SEMA3A: variants seen among roughly 807,000 people sequenced by gnomAD.
SEMA3A encodes the protein semaphorin-3A.
Under a neutral mutation model 97.9 loss-of-function variants are expected in SEMA3A, and 29 were observed. The ratio of observed to expected loss-of-function variants is 0.30; its 90% CI spans 0.22 to 0.40. The LOEUF (loss-of-function observed/expected upper bound fraction) is 0.40, where lower values mean the gene tolerates loss of function less well. Among genes scored for constraint, SEMA3A ranks in the 10% least tolerant of loss-of-function variants. The probability of loss-of-function intolerance (pLI) is 1.00; values close to 1 mark genes in which losing one functional copy is unlikely to be tolerated. For missense variants in SEMA3A, 763 were observed against 951.3 expected (o/e 0.80, Z 2.60); for synonymous variants, 321 against 323.7 (o/e 0.99, Z 0.09).
At chr7:84,485,264 G>A (rs1011324316) in intron 1 of SEMA3A, among the ~76,000 whole-genome samples, 3 of 152,046 alleles carry the variant, frequency 2.0e-5, no homozygotes, top group African/African-American at 7.2e-5. Context: ...AGTATTGGAT[G>A]TGATAAAATA....
At chr7:84,216,437 G>C (rs2116328381) in intron 3 of SEMA3A, among the ~76,000 whole-genome samples, 1 of 152,244 alleles carries the variant, frequency 6.6e-6, no homozygotes, top group Middle Eastern at 3.4e-3. Context: ...GCAGTTGGAA[G>C]AGTAGCTCAT....
intron 3 of SEMA3A, among the ~76,000 whole-genome samples, chr7:84,292,076 C>G (rs1427054860): frequency 3.9e-5 from 6 of 152,104 alleles, no homozygotes; most frequent in Non-Finnish European, 7.4e-5. Context: ...AATTACCAAC[C>G]AATTGTGACT....
chr7:84,226,473 T>A (rs1798991933), intron 3 of SEMA3A, among the ~76,000 whole-genome samples: 1 of 152,080 alleles, frequency 6.6e-6, no homozygotes, highest in African/African-American at 2.4e-5. Context: ...CAAACAAGAA[T>A]AAGTGTTCAT....
At position 84,129,162 on chromosome 7, in the gene SEMA3A, G is replaced by T. The variant is rs147454247; in HGVS notation, c.294C>A (p.Thr98=). Residue 98 remains threonine (T), a synonymous_variant, in exon 3 of 17, where the codon ACC becomes ACA. Coordinates refer to ENST00000265362, the MANE Select transcript of SEMA3A (RefSeq NM_006080.3). ...FQKIVWPVSY[T]RRDECKWAGK... is the part of the protein sequence containing the mutation. Reference sequence around the variant, plus strand: ...CAGCCCACTTGCATTCATCTCTTCTGGTGTAAGATACTGGCCACACAATCT... The same window carrying T: ...CAGCCCACTTGCATTCATCTCTTCTTGTGTAAGATACTGGCCACACAATCT... The T allele has an allele frequency of 3.1e-6, 5 of 1,612,898 alleles. No homozygotes were observed. In the African/African-American group the frequency reaches 6.7e-5, roughly 22 times the overall value.
chr7:84,429,836 G>A (rs1804934036), intron 1 of SEMA3A, among the ~76,000 whole-genome samples: 1 of 151,464 alleles, frequency 6.6e-6, no homozygotes, highest in Non-Finnish European at 1.5e-5. Flanking sequence ...AAAATGTTGG[G>A]AGGAAGAAAA....
chr7:84,332,848 A>T (rs1801940626), intron 2 of SEMA3A, among the ~76,000 whole-genome samples: 2 of 152,092 alleles, frequency 1.3e-5, no homozygotes, highest in Admixed American at 1.3e-4. Context: ...ATATGTTATT[A>T]TTTACATGTC....
At position 84,239,281 on chromosome 7, in the gene SEMA3A, T is replaced by C. The variant is rs112753901; in HGVS notation, c.-82-44613A>G. ...TAATTCTCATAAGGAAATTATTTTT[T>C]GATTTGTAAAACATTAGGTGTTTTA... On this transcript the variant is annotated intron_variant, in intron 3 of 3. Transcript: ENST00000424555. Among the ~76,000 whole-genome samples, 129 of 152,332 alleles carry C rather than the reference T, an allele frequency of 8.5e-4. 1 individual carries two copies. Among genetic ancestry groups the C allele is most frequent in the African/African-American group, 3.0e-3 (124 of 41,594 alleles).
At chr7:84,410,883 A>G (rs1212029992) in intron 1 of SEMA3A, among the ~76,000 whole-genome samples, 1 of 152,108 alleles carries the variant, frequency 6.6e-6, no homozygotes, top group African/African-American at 2.4e-5. Flanking sequence ...TGCACCTAAG[A>G]GACTAACTAG....
At chr7:84,112,012 T>C (rs1341591146) in intron 3 of SEMA3A, among the ~76,000 whole-genome samples, 3 of 152,286 alleles carry the variant, frequency 2.0e-5, no homozygotes, top group African/African-American at 7.2e-5. Context: ...GAATAGGGCA[T>C]GAAGGCTTGG....
chr7:84,110,377 C>T, intron 4 of SEMA3A, 93 bp downstream of exon 4: 2 of 1,447,972 alleles, frequency 1.4e-6, no homozygotes, highest in South Asian at 1.3e-5. Context: ...GAATAGTGAA[C>T]CACAAGCAAA....
intron 2 of SEMA3A, among the ~76,000 whole-genome samples, chr7:84,354,246 TTAAGA>T (rs1415968565): frequency 2.0e-5 from 3 of 151,752 alleles, no homozygotes; most frequent in East Asian, 1.9e-4. Context: ...ATCTACACAG[TTAAGA>T]TAAGTCAGAC....
intron 1 of SEMA3A, among the ~76,000 whole-genome samples, chr7:84,471,986 C>T (rs1366807106): frequency 6.6e-6 from 1 of 151,262 alleles, no homozygotes; most frequent in Non-Finnish European, 1.5e-5. Context: ...ATTGCATTGA[C>T]CTGACACTGA....
intron 1 of SEMA3A, among the ~76,000 whole-genome samples, chr7:84,381,987 T>C (rs117414318): frequency 1.3e-5 from 2 of 152,064 alleles, no homozygotes; most frequent in Non-Finnish European, 2.9e-5. Flanking sequence ...GGAGCCCAGG[T>C]GTGAGGTTTG....
intron 4 of SEMA3A, among the ~76,000 whole-genome samples, chr7:84,099,719 C>T (rs770341739): frequency 1.9e-4 from 29 of 152,062 alleles, no homozygotes; most frequent in Non-Finnish European, 2.8e-4. Flanking sequence ...CTTATGAGAT[C>T]TGGCTATTAT....
At chr7:84,021,496 C>T (rs894877824) in intron 6 of SEMA3A, among the ~76,000 whole-genome samples, 1 of 152,190 alleles carries the variant, frequency 6.6e-6, no homozygotes, top group Non-Finnish European at 1.5e-5. Flanking sequence ...CAGTCACATT[C>T]ACTCTGTTTT....
intron 6 of SEMA3A, among the ~76,000 whole-genome samples, chr7:84,034,996 A>C (rs932641939): frequency 4.6e-5 from 7 of 152,088 alleles, no homozygotes; most frequent in African/African-American, 1.7e-4. Context: ...TTCTAGTGGA[A>C]CTACTATTTT....
intron 4 of SEMA3A, among the ~76,000 whole-genome samples, chr7:84,099,064 T>TCAATAAAAATTCG (rs1562780768): frequency 9.8e-6 from 1 of 101,606 alleles, no homozygotes; most frequent in Admixed American, 1.1e-4. Context: ...AATTACATTT[T>TCAATAAAAATTCG]CTTTTTTTTT....
intron 2 of SEMA3A, among the ~76,000 whole-genome samples, chr7:84,317,935 T>C (rs879628464): frequency 6.6e-6 from 1 of 152,164 alleles, no homozygotes; most frequent in Non-Finnish European, 1.5e-5. Flanking sequence ...TGGTGTATTG[T>C]TATGCCATAA....
At chr7:84,030,694 C>A (rs1005716025) in intron 6 of SEMA3A, among the ~76,000 whole-genome samples, 2 of 152,048 alleles carry the variant, frequency 1.3e-5, no homozygotes, top group African/African-American at 4.8e-5. Flanking sequence ...TAACAGATTC[C>A]TTGAATTAAT....
Sources: allele counts gnomAD v4.1 joint callset (sites outside exome capture counted in the v4.1 genomes callset), GRCh38; gene constraint gnomAD v4.1.1; transcripts MANE v1.5; gene names NCBI Gene and HGNC (gene_info 2026-07-23, HGNC 2026-07-21).